Variants in PDE7B observed in about 807,000 individuals in gnomAD.
PDE7B encodes the protein 3',5'-cyclic-AMP phosphodiesterase 7B.
PDE7B carries 29 observed loss-of-function variants against 56.2 expected under a neutral mutation model. The ratio of observed to expected loss-of-function variants is 0.52; its 90% CI spans 0.38 to 0.70. The LOEUF is 0.70. Among genes scored for constraint, PDE7B ranks in the 30% least tolerant of loss-of-function variants. The probability of loss-of-function intolerance (pLI) is 0.00; values close to 1 mark genes in which losing one functional copy is unlikely to be tolerated. For missense variants in PDE7B, 490 were observed against 565.0 expected (o/e 0.87, Z 1.35); for synonymous variants, 197 against 196.9 (o/e 1.00, Z 0.00).
chr6:135,867,953 G>A (rs1042770440), intron 1 of PDE7B, among the ~76,000 whole-genome samples: 5 of 150,998 alleles, frequency 3.3e-5, no homozygotes, highest in African/African-American at 1.2e-4. Context: ...CTTCTTTAAA[G>A]TAATGCAAAA....
chr6:136,043,813 A>G (rs1776452530), intron 2 of PDE7B: 1 of 152,146 alleles, frequency 6.6e-6, no homozygotes, highest in Non-Finnish European at 1.5e-5. Context: ...TGTGATTTAG[A>G]TCAACAGTGT....
At chr6:135,925,802 C>G (rs1286916526) in intron 1 of PDE7B, among the ~76,000 whole-genome samples, 5 of 152,098 alleles carry the variant, frequency 3.3e-5, no homozygotes, top group African/African-American at 1.2e-4. Flanking sequence ...CTGAAAGGCA[C>G]TAGCCTGACT....
intron 1 of PDE7B, among the ~76,000 whole-genome samples, chr6:135,877,088 C>T (rs905055545): frequency 6.6e-6 from 1 of 151,744 alleles, no homozygotes; most frequent in African/African-American, 2.4e-5. Flanking sequence ...AAAAATCTAC[C>T]GAATTCTATT....
rs73555079 is a variant in PDE7B at position 136,173,871 on chromosome 6, T to C, written c.786T>C (p.His262=). ...GMLRESRLLA[H]LPKEMTQDIE... ...TTCGAGAATCAAGGCTTCTTGCTCA[T>C]TTGCCAAAGGAAATGACGTAAGTGC... is the stretch of plus-strand genomic sequence containing the variant. The change falls in exon 9 of 13, where the codon CAT becomes CAC. Residue 262 remains histidine, a synonymous_variant. Transcript: ENST00000308191. 5.7e-3 allele frequency: 9,195 copies of C among 1,611,710 alleles called. 365 individuals carry two copies. In the African/African-American group the frequency reaches 0.098, roughly 17 times the overall value.
intron 2 of PDE7B, among the ~76,000 whole-genome samples, chr6:136,025,585 T>C (rs1190519436): frequency 2.6e-5 from 4 of 152,234 alleles, no homozygotes; most frequent in Non-Finnish European, 5.9e-5. Context: ...CACGGGAACC[T>C]AGCCTTTCTA....
chr6:136,119,991 CT>C (rs1222831527), intron 3 of PDE7B, among the ~76,000 whole-genome samples: 1 of 152,184 alleles, frequency 6.6e-6, no homozygotes, highest in African/African-American at 2.4e-5. Context: ...CTACTGACCC[CT>C]GGTCCTCTGA....
At chr6:136,121,539 G>C (rs907981818) in intron 3 of PDE7B, among the ~76,000 whole-genome samples, 5 of 152,200 alleles carry the variant, frequency 3.3e-5, no homozygotes, top group Non-Finnish European at 5.9e-5. Flanking sequence ...GGGTAAACTA[G>C]ATTACACTAT....
intron 1 of PDE7B, among the ~76,000 whole-genome samples, chr6:135,869,188 G>A (rs1381067013): frequency 2.0e-5 from 3 of 152,060 alleles, no homozygotes; most frequent in African/African-American, 7.2e-5. Flanking sequence ...GGATTGGGGT[G>A]GATAGAGACT....
chr6:136,139,911 T>C (rs991297793), intron 3 of PDE7B, among the ~76,000 whole-genome samples: 2 of 152,208 alleles, frequency 1.3e-5, no homozygotes, highest in African/African-American at 4.8e-5. Flanking sequence ...TTTCTCCCAT[T>C]CTGTAGGTTG....
At chr6:135,941,764 A>G (rs1164843471) in intron 1 of PDE7B, among the ~76,000 whole-genome samples, 1 of 152,196 alleles carries the variant, frequency 6.6e-6, no homozygotes, top group East Asian at 1.9e-4. Context: ...GAAAACTGTT[A>G]TCTTCTCAGC....
chr6:136,152,509 G>C (rs758925302), intron 6 of PDE7B, among the ~76,000 whole-genome samples: 1 of 152,186 alleles, frequency 6.6e-6, no homozygotes, highest in Non-Finnish European at 1.5e-5. Flanking sequence ...CCAACAGCTA[G>C]TAAGTGGCAG....
chr6:135,914,784 C>T (rs576868283), intron 1 of PDE7B, among the ~76,000 whole-genome samples: 2 of 54,674 alleles, frequency 3.7e-5, no homozygotes, highest in Admixed American at 3.2e-4. Context: ...CCACCGCGCC[C>T]GGCTATAATG....
chr6:135,948,887 A>C (rs1358786528), intron 2 of PDE7B, among the ~76,000 whole-genome samples: 1 of 129,206 alleles, frequency 7.7e-6, no homozygotes, highest in African/African-American at 4.1e-5. Flanking sequence ...AGATAGATAG[A>C]TAGATAGATA....
intron 1 of PDE7B, among the ~76,000 whole-genome samples, chr6:135,875,596 C>G (rs1351934990): frequency 6.6e-6 from 1 of 152,112 alleles, no homozygotes; most frequent in Non-Finnish European, 1.5e-5. Context: ...ATAGCAAATG[C>G]TTATCTAAAT....
rs1774444982 is a variant in PDE7B at position 135,937,653 on chromosome 6, A to G, written c.22-9811A>G. On this transcript the variant is annotated intron_variant, in intron 1 of 12. Coordinates refer to ENST00000308191, the MANE Select transcript of PDE7B (RefSeq NM_018945.4). The stretch of plus-strand genomic sequence containing the variant: ...ATGTAGCCAGTTTGGCTGATCACCT[A>G]GAAGGGACCCCTTTTTCCCAAATCT... 3.3e-5 allele frequency among the ~76,000 whole-genome samples: 5 copies of G among 152,206 alleles called. No individual in the cohort carries two copies. In the South Asian group the frequency reaches 1.0e-3, roughly 31 times the overall value.
chr6:135,859,051 C>T (rs1036100817), intron 1 of PDE7B, among the ~76,000 whole-genome samples: 1 of 150,320 alleles, frequency 6.7e-6, no homozygotes, highest in African/African-American at 2.4e-5. Flanking sequence ...TCTTGGTTTT[C>T]CAGGAGAGAA....
chr6:135,989,633 A>AATG (rs1390047760), intron 2 of PDE7B, among the ~76,000 whole-genome samples: 1 of 152,096 alleles, frequency 6.6e-6, no homozygotes, highest in Non-Finnish European at 1.5e-5. Context: ...TAATAATAAT[A>AATG]ATAATAAATT....
At chr6:136,001,027 G>C (rs1484348509) in intron 2 of PDE7B, among the ~76,000 whole-genome samples, 4 of 152,232 alleles carry the variant, frequency 2.6e-5, no homozygotes, top group African/African-American at 9.7e-5. Flanking sequence ...TCAGACAGCA[G>C]CATTTGCAGT....
chr6:136,016,174 T>C (rs1329825714), intron 2 of PDE7B, among the ~76,000 whole-genome samples: 1 of 152,196 alleles, frequency 6.6e-6, no homozygotes. Context: ...ACAACCTATC[T>C]GGGTCTTTAT....
Sources: gnomAD v4.1 joint callset for allele counts (sites outside exome capture counted in the v4.1 genomes callset) on GRCh38, gnomAD v4.1.1 for gene constraint, MANE v1.5 for transcripts, NCBI Gene and HGNC (gene_info 2026-07-23, HGNC 2026-07-21) for gene names.